The following PRELID2 variants were observed in gnomAD, a reference collection of about 807,000 sequenced individuals.
PRELID2 encodes PRELI domain containing 2.
A neutral mutation model predicts 28.4 loss-of-function variants in PRELID2; 25 were observed. The observed-to-expected ratio is 0.88, with a 90% CI of 0.64 to 1.23. The LOEUF (loss-of-function observed/expected upper bound fraction) is 1.23. PRELID2 is among the 50% of genes most tolerant of loss of function. PRELID2 has a pLI of 0.00. For missense variants in PRELID2, 201 were observed against 214.4 expected, an observed-to-expected ratio of 0.94 and a Z score of 0.39; for synonymous variants, 76 against 71.6, an observed-to-expected ratio of 1.06 and a Z score of -0.31.
the PRELID2 span, among the ~76,000 whole-genome samples, chr5:145,348,642 ATT>A: frequency 6.9e-6 from 1 of 145,660 alleles, no homozygotes. Context: ...AATTGCAGCC[ATT>A]TTTTTTTTTA....
At chr5:145,405,699 G>GTTTTTTTTT in the PRELID2 span, among the ~76,000 whole-genome samples, 4 of 45,992 alleles carry the variant, frequency 8.7e-5, 2 homozygotes, top group African/African-American at 1.5e-4. Flanking sequence ...GTACCACATA[G>GTTTTTTTTT]TTGTTTTTTT....
the PRELID2 span, among the ~76,000 whole-genome samples, chr5:145,438,354 TC>T: frequency 6.6e-6 from 1 of 152,150 alleles, no homozygotes; most frequent in Non-Finnish European, 1.5e-5. Context: ...TTCTGCTGCA[TC>T]CCCAAAGCCT....
At chr5:145,253,986 GA>G in the PRELID2 span, among the ~76,000 whole-genome samples, 1 of 151,998 alleles carries the variant, frequency 6.6e-6, no homozygotes, top group East Asian at 1.9e-4. Context: ...TATCTCATAT[GA>G]TTATTGTAAG....
chr5:145,431,031 T>G, the PRELID2 span, among the ~76,000 whole-genome samples: 1,473 of 146,436 alleles, frequency 0.01, 75 homozygotes, highest in African/African-American at 0.036. Flanking sequence ...TTTTTTTTTT[T>G]TTTTTAACAA....
chr5:145,458,915 C>T, the PRELID2 span, among the ~76,000 whole-genome samples: 10 of 151,970 alleles, frequency 6.6e-5, no homozygotes, highest in Non-Finnish European at 1.5e-4. Context: ...AGCTTAGAAA[C>T]GGGTTGAAAA....
chr5:145,437,579 A>G, the PRELID2 span, among the ~76,000 whole-genome samples: 1 of 152,106 alleles, frequency 6.6e-6, no homozygotes, highest in Admixed American at 6.6e-5. Flanking sequence ...AGAAGACAGT[A>G]TTTCGTGGGA....
chr5:145,264,259 C>A, the PRELID2 span, among the ~76,000 whole-genome samples: 3 of 152,042 alleles, frequency 2.0e-5, no homozygotes, highest in East Asian at 3.9e-4. Flanking sequence ...AACAAACTAA[C>A]TGAATTCAAC....
At chr5:145,551,620 T>C (rs1242563060) in intron 1 of PRELID2, among the ~76,000 whole-genome samples, 2 of 152,144 alleles carry the variant, frequency 1.3e-5, no homozygotes, top group Non-Finnish European at 2.9e-5. Flanking sequence ...TTTGGAAAAG[T>C]GTCACTGCAG....
the PRELID2 span, among the ~76,000 whole-genome samples, chr5:145,273,192 A>G: frequency 5.9e-5 from 9 of 152,320 alleles, no homozygotes; most frequent in South Asian, 1.7e-3. Context: ...AAAAAGTATC[A>G]GCAAGGACTA....
intron 4 of PRELID2, among the ~76,000 whole-genome samples, chr5:145,801,531 C>T (rs80008339): frequency 0.015 from 2,225 of 152,232 alleles, 61 homozygotes; most frequent in African/African-American, 0.051. Context: ...ACTTACTCCT[C>T]GAAACCCAGT....
chr5:145,322,568 A>T, the PRELID2 span, among the ~76,000 whole-genome samples: 91 of 152,338 alleles, frequency 6.0e-4, 1 homozygote, highest in East Asian at 0.016. Flanking sequence ...TTCTCTGCCT[A>T]GCAAGACAGA....
At chr5:145,622,182 G>A (rs968750076) in intron 1 of PRELID2, among the ~76,000 whole-genome samples, 4 of 152,016 alleles carry the variant, frequency 2.6e-5, no homozygotes, top group Non-Finnish European at 2.9e-5. Context: ...AGGAAATCTG[G>A]GGAATAACTG....
At chr5:145,486,417 G>A (rs1479029650) in intron 1 of PRELID2, among the ~76,000 whole-genome samples, 1 of 152,082 alleles carries the variant, frequency 6.6e-6, no homozygotes, top group Non-Finnish European at 1.5e-5. Flanking sequence ...GAATAAATGA[G>A]GCTATTCCTC....
intron 4 of PRELID2, among the ~76,000 whole-genome samples, chr5:145,801,297 T>A (rs1404993660): frequency 1.3e-5 from 2 of 152,168 alleles, no homozygotes; most frequent in Non-Finnish European, 2.9e-5. Context: ...TAAAGTCTTG[T>A]TAAATCACCT....
In PRELID2 at chr5:145,639,865, T is replaced by C. The variant is rs148665070; in HGVS notation, n.70+125066A>G. ...CAACTTCCCAGATTCTCCTGAATTTTGTTTTTTCTCTTTAACTTAGCCTAT... is the reference window on the plus strand; with the variant it reads ...CAACTTCCCAGATTCTCCTGAATTTCGTTTTTTCTCTTTAACTTAGCCTAT... On this transcript the variant is annotated intron_variant and non_coding_transcript_variant, in intron 1 of 2. Coordinates refer to the PRELID2 transcript ENST00000510259. Among the ~76,000 whole-genome samples the C allele has an allele frequency of 5.8e-3, 886 of 152,320 alleles. 16 individuals carry two copies. The highest frequency in any genetic ancestry group is 0.02 in the African/African-American group (830 of 41,572).
At chr5:145,416,092 T>G in the PRELID2 span, among the ~76,000 whole-genome samples, 1 of 152,134 alleles carries the variant, frequency 6.6e-6, no homozygotes, top group African/African-American at 2.4e-5. Flanking sequence ...TTGAGAAGTG[T>G]CTGTTCATAT....
chr5:145,253,032 A>G, the PRELID2 span, among the ~76,000 whole-genome samples: 1 of 152,166 alleles, frequency 6.6e-6, no homozygotes, highest in Admixed American at 6.6e-5. Flanking sequence ...GAAGCAACAG[A>G]AAGAGAGAAA....
At chr5:145,522,254 C>T (rs781463291) in intron 1 of PRELID2, among the ~76,000 whole-genome samples, 2 of 152,122 alleles carry the variant, frequency 1.3e-5, no homozygotes, top group Non-Finnish European at 2.9e-5. Context: ...GTCCCTTTTG[C>T]ATTTTTACAT....
chr5:145,345,676 A>C, the PRELID2 span, among the ~76,000 whole-genome samples: 4 of 152,262 alleles, frequency 2.6e-5, no homozygotes, highest in Admixed American at 1.3e-4. Flanking sequence ...CTACAAGTGA[A>C]GTGCTTTGAA....
Sources: allele counts gnomAD v4.1 joint callset (sites outside exome capture counted in the v4.1 genomes callset), GRCh38; gene constraint gnomAD v4.1.1; transcripts MANE v1.5; gene names NCBI Gene and HGNC (gene_info 2026-07-23, HGNC 2026-07-21).